The following ANAPC7 variants were observed in gnomAD, a reference collection of about 807,000 sequenced individuals.
ANAPC7 encodes the protein anaphase promoting complex subunit 7, also known as anaphase-promoting complex subunit 7.
A neutral mutation model predicts 63.3 loss-of-function variants in ANAPC7; 25 were observed. The ratio of observed to expected loss-of-function variants is 0.39; its 90% CI spans 0.29 to 0.55. The LOEUF (loss-of-function observed/expected upper bound fraction) is 0.55. Among genes scored for constraint, ANAPC7 ranks in the 20% least tolerant of loss-of-function variants. ANAPC7 has a pLI of 0.57. For synonymous variants in ANAPC7, 241 were observed against 251.7 expected, an observed-to-expected ratio of 0.96 and a Z score of 0.40; for missense variants, 516 against 691.7, an observed-to-expected ratio of 0.75 and a Z score of 2.85.
intron 3 of ANAPC7, among the ~76,000 whole-genome samples, chr12:110,390,369 T>C (rs1029206702): frequency 1.3e-5 from 2 of 152,152 alleles, no homozygotes; most frequent in African/African-American, 4.8e-5. Context: ...CCACCGTGTC[T>C]GGCAAAATTA....
chr12:110,374,754 T>C (rs1318667013), intron 10 of ANAPC7, among the ~76,000 whole-genome samples: 1 of 152,168 alleles, frequency 6.6e-6, no homozygotes, highest in Non-Finnish European at 1.5e-5. Context: ...AGGTGTCCCA[T>C]GTTCTTATGA....
At chr12:110,377,179 C>T (rs572662876) in intron 9 of ANAPC7, among the ~76,000 whole-genome samples, 1 of 150,450 alleles carries the variant, frequency 6.6e-6, no homozygotes, top group Admixed American at 6.7e-5. Context: ...GAATAGATAC[C>T]AACCAATTAT....
At chr12:110,391,506 A>G (rs1883081638) in intron 3 of ANAPC7, among the ~76,000 whole-genome samples, 1 of 152,196 alleles carries the variant, frequency 6.6e-6, no homozygotes, top group Non-Finnish European at 1.5e-5. Flanking sequence ...ACTCCCTAAC[A>G]GACAAGAAAG....
In ANAPC7 at chr12:110,392,016, C is replaced by CG. The variant is rs758445505; in HGVS notation, c.408+3084dup. ...CTGAGGTAGGGGAATCGCTTGAACC[C>CG]GGGAGGTGGAGGTTGCAGTGAGCCA... On this transcript the variant is annotated intron_variant, in intron 3 of 10. Coordinates refer to ENST00000455511, the MANE Select transcript of ANAPC7 (RefSeq NM_016238.3). Among the ~76,000 whole-genome samples, 16 of 145,582 alleles carry CG rather than the reference C, an allele frequency of 1.1e-4. No individual in the cohort carries two copies. In the East Asian group the frequency reaches 1.9e-3, roughly 17 times the overall value.
intron 8 of ANAPC7, among the ~76,000 whole-genome samples, chr12:110,380,723 G>A (rs1881750988): frequency 1.3e-5 from 2 of 150,872 alleles, no homozygotes; most frequent in African/African-American, 4.9e-5. Context: ...GGGAGGCCGA[G>A]GCGGGCGGAT....
chr12:110,387,672 C>G (rs1437129912), intron 5 of ANAPC7, 67 bp downstream of exon 5: 1 of 1,539,102 alleles, frequency 6.5e-7, no homozygotes, highest in African/African-American at 1.4e-5. Context: ...TTTGCTACTT[C>G]AGATACATCA....
intron 9 of ANAPC7, 33 bp downstream of exon 9, chr12:110,377,360 T>A (rs1157731815): frequency 1.3e-6 from 2 of 1,582,532 alleles, no homozygotes; most frequent in Non-Finnish European, 8.7e-7. Context: ...TAAAAATTAA[T>A]GATGAACAGG....
chr12:110,382,754 C>A, intron 7 of ANAPC7, 89 bp downstream of exon 7: 1 of 1,140,760 alleles, frequency 8.8e-7, no homozygotes. Flanking sequence ...CCTCTTAAAC[C>A]TGTGCTTTCA....
intron 1 of ANAPC7, among the ~76,000 whole-genome samples, chr12:110,401,621 T>C (rs1221424028): frequency 6.6e-6 from 1 of 152,066 alleles, no homozygotes; most frequent in Non-Finnish European, 1.5e-5. Flanking sequence ...CCAGAAGCGA[T>C]GGTTCACGCC....
rs779142936 is a variant in ANAPC7, at chr12:110,394,669, C to CAAAAAA, written c.408+426_408+431dup. On this transcript the variant is annotated intron_variant, in intron 3 of 10. Transcript: ENST00000455511. ...GGGCAACAAGAGTGAAATTCCACCT[C>CAAAAAA]AAAAAAAAAAAAAAAAAAAAAAAAA... is the stretch of plus-strand genomic sequence containing the variant. Among the ~76,000 whole-genome samples the CAAAAAA allele has an allele frequency of 1.4e-4, 6 of 42,772 alleles. 1 individual carries two copies. Among genetic ancestry groups the CAAAAAA allele is most frequent in the African/African-American group, 5.3e-4 (5 of 9,416 alleles). 28.1% of individuals were successfully genotyped at this position (42,772 alleles called of 152,430 possible).
intron 7 of ANAPC7, among the ~76,000 whole-genome samples, chr12:110,382,496 T>TATATATATATATATATATATA (rs1566264542): frequency 1.2e-5 from 1 of 80,046 alleles, no homozygotes; most frequent in African/African-American, 4.7e-5. Flanking sequence ...ATATATATAT[T>TATATATATATATATATATATA]TATAGAGACA....
chr12:110,394,415 TCA>T (rs1317951926), intron 3 of ANAPC7, among the ~76,000 whole-genome samples: 2 of 151,256 alleles, frequency 1.3e-5, no homozygotes, highest in African/African-American at 4.9e-5. Flanking sequence ...TCACCTGAGG[TCA>T]GGAGTTCAAG....
At chr12:110,402,074 C>T (rs1233408003) in intron 1 of ANAPC7, among the ~76,000 whole-genome samples, 3 of 150,884 alleles carry the variant, frequency 2.0e-5, no homozygotes, top group African/African-American at 7.3e-5. Flanking sequence ...ACTTGGTTGG[C>T]TGAGGCAGGA....
intron 9 of ANAPC7, among the ~76,000 whole-genome samples, chr12:110,376,762 C>T (rs1881323738): frequency 6.7e-6 from 1 of 149,306 alleles, no homozygotes; most frequent in Admixed American, 6.7e-5. Context: ...GATAGCTCCA[C>T]TCAAAATGGC....
chr12:110,392,500 C>T (rs1883186000), intron 3 of ANAPC7, among the ~76,000 whole-genome samples: 1 of 152,074 alleles, frequency 6.6e-6, no homozygotes, highest in Admixed American at 6.6e-5. Flanking sequence ...GGAGGATGCA[C>T]CTGTCATTTT....
intron 2 of ANAPC7, among the ~76,000 whole-genome samples, chr12:110,395,946 G>C (rs988502022): frequency 1.3e-5 from 2 of 152,142 alleles, no homozygotes; most frequent in African/African-American, 4.8e-5. Context: ...CACAGATGGG[G>C]GGTGAGGGGG....
chr12:110,375,886 T>G (rs1441083168), intron 10 of ANAPC7, 180 bp downstream of exon 10: 1 of 1,324,162 alleles, frequency 7.6e-7, no homozygotes, highest in Non-Finnish European at 9.6e-7. Flanking sequence ...TGTTAATATA[T>G]TTTAAGAAAA....
Position 110,396,352 on chromosome 12 carries a change from T to C in ANAPC7, c.202A>G (p.Met68Val). ...EYRNAVSKYTMALQQKKALSK... is the reference protein window; with the variant it reads ...EYRNAVSKYTVALQQKKALSK... ...AGCGCTTTCTTCTGCTGTAAAGCCA[T>C]GGTATACTTACTCACAGCATTCCGA... The change falls in exon 2 of 11, where the codon ATG (methionine) becomes GTG (valine). Residue 68 changes from methionine to valine, a missense_variant. Transcript: ENST00000455511. 4 of 1,614,054 alleles carry C rather than the reference T, an allele frequency of 2.5e-6. No individual in the cohort carries two copies. The highest frequency in any genetic ancestry group is 2.2e-5 in the East Asian group (1 of 44,888).
chr12:110,395,137 T>C lies in ANAPC7; in HGVS notation c.372A>G (p.Ile124Met). ...TTTGTCTTGAAGGGATCCCATCAAG[T>C]ATAGCAATGGCATCTTTATCTTGTT... is the stretch of plus-strand genomic sequence containing the variant. Reference protein sequence around the residue: ...MLKQDKDAIAILDGIPSRQRT... With the variant: ...MLKQDKDAIAMLDGIPSRQRT... Residue 124 changes from isoleucine (I) to methionine (M), a missense_variant, in exon 3 of 11, where the codon ATA (isoleucine) becomes ATG (methionine). This residue lies in a region of ANAPC7 where 185 missense variants were observed against 200.3 expected (regional missense o/e 0.92). Transcript: ENST00000455511. 6.2e-7 allele frequency: 1 copy of C among 1,613,868 alleles called. No individual in the cohort carries two copies. Among genetic ancestry groups the C allele is most frequent in the Non-Finnish European group, 8.5e-7 (1 of 1,179,854 alleles).
Sources: allele counts gnomAD v4.1 joint callset (sites outside exome capture counted in the v4.1 genomes callset), GRCh38; gene constraint gnomAD v4.1.1; regional missense constraint gnomAD v4.1.1; transcripts MANE v1.5; gene names NCBI Gene and HGNC (gene_info 2026-07-23, HGNC 2026-07-21).